Variants in ANO4 observed in about 807,000 individuals in gnomAD.
The protein encoded by ANO4 is anoctamin 4.
A neutral mutation model predicts 141.9 loss-of-function variants in ANO4; 69 were observed. That is an observed-to-expected ratio of 0.49 (90% confidence interval 0.40 to 0.59). ANO4 has a LOEUF of 0.59. Among genes scored for constraint, ANO4 ranks in the 20% least tolerant of loss-of-function variants. The pLI is 0.00. For missense variants in ANO4, 894 were observed against 1,162.2 expected (o/e 0.77, Z 3.36); for synonymous variants, 350 against 394.3 (o/e 0.89, Z 1.33).
chr12:100,825,516 C>T (rs888484562), intron 1 of ANO4, among the ~76,000 whole-genome samples: 1 of 152,006 alleles, frequency 6.6e-6, no homozygotes, highest in Non-Finnish European at 1.5e-5. Context: ...ATATAATTAA[C>T]TAGACACAAA....
At chr12:100,905,372 C>T (rs1193661657) in intron 2 of ANO4, among the ~76,000 whole-genome samples, 1 of 151,942 alleles carries the variant, frequency 6.6e-6, no homozygotes, top group African/African-American at 2.4e-5. Context: ...GAACCACGAG[C>T]AAGAAGGCCA....
chr12:101,097,614 A>G, intron 19 of ANO4, 37 bp from the exon 20 acceptor site: 1 of 1,599,076 alleles, frequency 6.3e-7, no homozygotes, highest in Non-Finnish European at 8.6e-7. Flanking sequence ...GCTTGGACCT[A>G]GAGCACTAAT....
chr12:100,755,787 A>G (rs1273553277), intron 3 of ANO4, among the ~76,000 whole-genome samples: 2 of 152,114 alleles, frequency 1.3e-5, no homozygotes, highest in African/African-American at 4.8e-5. Flanking sequence ...CCTGTTTTCA[A>G]GTTTGCTAAC....
At chr12:100,823,445 C>T (rs1417531445) in intron 1 of ANO4, among the ~76,000 whole-genome samples, 4 of 151,926 alleles carry the variant, frequency 2.6e-5, no homozygotes, top group African/African-American at 9.7e-5. Context: ...TTTTCTTCTC[C>T]TTTTTCATAC....
intron 10 of ANO4, among the ~76,000 whole-genome samples, chr12:101,039,739 G>A (rs2047342636): frequency 6.6e-6 from 1 of 152,152 alleles, no homozygotes; most frequent in South Asian, 2.1e-4. Flanking sequence ...AAACCTTCCT[G>A]ATTATAGCAA....
intron 14 of ANO4, among the ~76,000 whole-genome samples, chr12:101,054,223 A>C (rs58989840): frequency 0.15 from 22,576 of 152,204 alleles, 1,867 homozygotes; most frequent in East Asian, 0.25. Context: ...CATGTTGATA[A>C]TACAAAGCTT....
chr12:100,971,871 AAAAC>A (rs935245953), intron 6 of ANO4, among the ~76,000 whole-genome samples: 3 of 152,194 alleles, frequency 2.0e-5, no homozygotes, highest in African/African-American at 4.8e-5. Context: ...AAAAACAAAA[AAAAC>A]CACTTTTTTT....
chr12:101,009,713 T>C (rs1335983674), intron 8 of ANO4, among the ~76,000 whole-genome samples: 2 of 152,126 alleles, frequency 1.3e-5, no homozygotes, highest in African/African-American at 4.8e-5. Flanking sequence ...TGTTTACTTA[T>C]ATTACTGGAT....
chr12:101,095,680 T>C (rs1053990549), intron 18 of ANO4, among the ~76,000 whole-genome samples: 1 of 152,208 alleles, frequency 6.6e-6, no homozygotes, highest in African/African-American at 2.4e-5. Flanking sequence ...AAGTATTAAA[T>C]GAGAAATCAG....
At chr12:101,115,382 G>C (rs939098771) in intron 24 of ANO4, among the ~76,000 whole-genome samples, 14 of 152,174 alleles carry the variant, frequency 9.2e-5, no homozygotes, top group South Asian at 4.2e-4. Flanking sequence ...GAGCCTGGGA[G>C]GTCAAAGCTG....
At chr12:100,962,974 T>C (rs907966467) in intron 5 of ANO4, among the ~76,000 whole-genome samples, 15 of 152,112 alleles carry the variant, frequency 9.9e-5, no homozygotes, top group Non-Finnish European at 1.6e-4. Context: ...GGTGATTTGT[T>C]GGATATGACA....
chr12:101,085,319 C>A (rs1458114681), intron 16 of ANO4, among the ~76,000 whole-genome samples: 2 of 152,044 alleles, frequency 1.3e-5, no homozygotes, highest in African/African-American at 4.8e-5. Flanking sequence ...AAAGTCAGCC[C>A]TATGTGTCTG....
chr12:100,845,153 G>T (rs188718406), intron 1 of ANO4, among the ~76,000 whole-genome samples: 4 of 152,302 alleles, frequency 2.6e-5, no homozygotes, highest in African/African-American at 9.6e-5. Context: ...TTTGAGTGGG[G>T]TGTAGGTGGG....
chr12:100,929,579 A>G (rs1592746719), intron 3 of ANO4, among the ~76,000 whole-genome samples: 2 of 152,096 alleles, frequency 1.3e-5, no homozygotes, highest in African/African-American at 4.8e-5. Context: ...AGTAAACATG[A>G]GAGTGCAGAT....
chr12:100,963,884 G>A (rs766615470), intron 5 of ANO4, among the ~76,000 whole-genome samples: 23 of 152,160 alleles, frequency 1.5e-4, no homozygotes, highest in Non-Finnish European at 1.8e-4. Context: ...CCTGTGAGTG[G>A]AAGAAAGAAA....
chr12:101,114,682 A>T (rs2050786074), intron 24 of ANO4, among the ~76,000 whole-genome samples: 1 of 151,946 alleles, frequency 6.6e-6, no homozygotes, highest in East Asian at 1.9e-4. Flanking sequence ...ACCAGTTCCC[A>T]GAACACCTTT....
Position 101,127,233 on chromosome 12 carries a change from G to A in ANO4, c.*4+159G>A, listed in dbSNP as rs57417157. On this transcript the variant is annotated intron_variant, in intron 27 of 27. Coordinates refer to ENST00000392977, the MANE Select transcript of ANO4 (RefSeq NM_001286615.2). The stretch of plus-strand genomic sequence containing the variant: ...AAGAAGCTTGTTTTTTACTTTAATC[G>A]TTGCAAATTTTGCTTGATCTTCCCC... Among the ~76,000 whole-genome samples, 131 of 152,232 alleles carry A rather than the reference G, an allele frequency of 8.6e-4. 2 individuals are homozygous for A. In the East Asian group the frequency reaches 0.019, roughly 22 times the overall value.
At chr12:100,882,478 A>G (rs936966789) in intron 1 of ANO4, among the ~76,000 whole-genome samples, 3 of 152,096 alleles carry the variant, frequency 2.0e-5, no homozygotes, top group African/African-American at 7.2e-5. Flanking sequence ...TTAATTAAAA[A>G]CACATAGTTG....
intron 1 of ANO4, among the ~76,000 whole-genome samples, chr12:100,719,428 T>C (rs906458165): frequency 4.6e-5 from 7 of 152,198 alleles, no homozygotes; most frequent in African/African-American, 1.7e-4. Context: ...GATCATTATC[T>C]GATGAGAGCT....
Sources: allele counts gnomAD v4.1 joint callset (sites outside exome capture counted in the v4.1 genomes callset), GRCh38; gene constraint gnomAD v4.1.1; transcripts MANE v1.5; gene names NCBI Gene and HGNC (gene_info 2026-07-23, HGNC 2026-07-21).